TAFA1: variants seen among roughly 807,000 people sequenced by gnomAD.
TAFA1 encodes chemokine-like protein TAFA-1.
TAFA1 carries 4 observed loss-of-function variants against 18.5 expected under a neutral mutation model. The observed-to-expected ratio is 0.22, with a 90% CI of 0.11 to 0.49. TAFA1 has a LOEUF of 0.49. Among genes scored for constraint, TAFA1 ranks in the 20% least tolerant of loss-of-function variants. The pLI is 0.98. For synonymous variants in TAFA1, 56 were observed against 55.2 expected, an observed-to-expected ratio of 1.01 and a Z score of -0.06; for missense variants, 147 against 169.0, an observed-to-expected ratio of 0.87 and a Z score of 0.72.
At chr3:68,386,579 T>C (rs2106693833) in intron 2 of TAFA1, among the ~76,000 whole-genome samples, 1 of 152,142 alleles carries the variant, frequency 6.6e-6, no homozygotes, top group South Asian at 2.1e-4. Context: ...TACAGATAGG[T>C]TTTTCTACTA....
intron 2 of TAFA1, among the ~76,000 whole-genome samples, chr3:68,393,207 A>G (rs2070299235): frequency 6.6e-6 from 1 of 152,236 alleles, no homozygotes; most frequent in Non-Finnish European, 1.5e-5. Context: ...ACAAACTATC[A>G]TCAGAGAATA....
At chr3:68,524,464 C>A (rs1025777111) in intron 3 of TAFA1, among the ~76,000 whole-genome samples, 1 of 151,980 alleles carries the variant, frequency 6.6e-6, no homozygotes, top group Non-Finnish European at 1.5e-5. Context: ...ATTGTTCTTA[C>A]AATCAGAAAA....
At chr3:68,091,708 G>A (rs2065031756) in intron 2 of TAFA1, among the ~76,000 whole-genome samples, 3 of 152,126 alleles carry the variant, frequency 2.0e-5, no homozygotes, top group Non-Finnish European at 2.9e-5. Context: ...TGAGAGGCAG[G>A]AGCCAGCCTC....
intron 2 of TAFA1, among the ~76,000 whole-genome samples, chr3:68,331,960 T>C (rs1224936588): frequency 7.1e-6 from 1 of 141,456 alleles, no homozygotes; most frequent in Non-Finnish European, 1.5e-5. Flanking sequence ...GCCTCCCGGG[T>C]TCACGCCATT....
At chr3:68,521,882 T>C (rs9860458) in intron 3 of TAFA1, among the ~76,000 whole-genome samples, 22,308 of 133,184 alleles carry the variant, frequency 0.17, 2,548 homozygotes, top group South Asian at 0.3. Context: ...TTTTTGGAGA[T>C]AGGGTCTCAC....
At position 68,059,151 on chromosome 3, in the gene TAFA1, C is replaced by G. The variant is rs368368547; in HGVS notation, c.118+52407C>G. ...GAACAGCCTGGAGAAGAAGACCATACAATTGGAGGACTATGACTTATATGT... is the reference window on the plus strand; with the variant it reads ...GAACAGCCTGGAGAAGAAGACCATAGAATTGGAGGACTATGACTTATATGT... On this transcript the variant is annotated intron_variant, in intron 2 of 4. Transcript: ENST00000478136. Among the ~76,000 whole-genome samples, 16 of 152,128 alleles carry G rather than the reference C, an allele frequency of 1.1e-4. No homozygotes were observed. The East Asian group carries it at 3.1e-3, about 29-fold the overall frequency.
chr3:68,377,983 C>T (rs1321648546), intron 2 of TAFA1, among the ~76,000 whole-genome samples: 1 of 152,164 alleles, frequency 6.6e-6, no homozygotes, highest in African/African-American at 2.4e-5. Flanking sequence ...GCCTAAATTT[C>T]ACAGGTTATA....
At chr3:68,173,054 A>G (rs1261002828) in intron 2 of TAFA1, among the ~76,000 whole-genome samples, 1 of 152,104 alleles carries the variant, frequency 6.6e-6, no homozygotes, top group Non-Finnish European at 1.5e-5. Context: ...GGAAAAATGG[A>G]GGGTTAGCTA....
chr3:68,411,272 A>G lies in TAFA1; in HGVS notation c.119-6008A>G, dbSNP rs572781837. Among the ~76,000 whole-genome samples, 12 of 152,292 alleles carry G rather than the reference A, an allele frequency of 7.9e-5. No individual in the cohort carries two copies. In the South Asian group the frequency reaches 2.3e-3, roughly 29 times the overall value. ...TGTAGCCAAAAAGTAAAAAACACAT[A>G]GGAATGTGGGACGGTGTGTATTTTA... On this transcript the variant is annotated intron_variant, in intron 2 of 4. Transcript: ENST00000478136.
chr3:68,142,926 T>TTA (rs1462306650), intron 2 of TAFA1, among the ~76,000 whole-genome samples: 1 of 151,568 alleles, frequency 6.6e-6, no homozygotes, highest in Admixed American at 6.6e-5. Context: ...TTTTTTTTTT[T>TTA]AGTGTACAAA....
intron 2 of TAFA1, among the ~76,000 whole-genome samples, chr3:68,389,163 C>T (rs765163982): frequency 6.6e-6 from 1 of 152,054 alleles, no homozygotes; most frequent in African/African-American, 2.4e-5. Flanking sequence ...TTTATTCTGC[C>T]TCGGGGGACT....
intron 2 of TAFA1, among the ~76,000 whole-genome samples, chr3:68,020,312 A>T (rs1040442858): frequency 1.3e-5 from 2 of 152,148 alleles, no homozygotes; most frequent in African/African-American, 4.8e-5. Context: ...AACTTGGTAT[A>T]CTAGGCCAAC....
At chr3:68,333,045 C>G (rs577159643) in intron 2 of TAFA1, among the ~76,000 whole-genome samples, 1 of 152,312 alleles carries the variant, frequency 6.6e-6, no homozygotes, top group East Asian at 1.9e-4. Flanking sequence ...CACCTATACA[C>G]TGCTGGTAGA....
intron 2 of TAFA1, among the ~76,000 whole-genome samples, chr3:68,264,472 A>C (rs925139510): frequency 2.0e-5 from 3 of 152,178 alleles, no homozygotes; most frequent in African/African-American, 7.2e-5. Context: ...CAGCCAATGA[A>C]ATGGAAGCAA....
At chr3:68,063,064 G>C (rs2064626057) in intron 2 of TAFA1, among the ~76,000 whole-genome samples, 1 of 152,130 alleles carries the variant, frequency 6.6e-6, no homozygotes, top group African/African-American at 2.4e-5. Context: ...AAAAAAACAG[G>C]CTCAGCTCCA....
intron 3 of TAFA1, among the ~76,000 whole-genome samples, chr3:68,498,893 A>G (rs2668165): frequency 0.2 from 30,080 of 151,746 alleles, 3,032 homozygotes; most frequent in Middle Eastern, 0.23. Context: ...TAAAGGAGAT[A>G]TATTTTTTAA....
intron 3 of TAFA1, among the ~76,000 whole-genome samples, chr3:68,431,135 A>G (rs941418266): frequency 1.3e-5 from 2 of 151,938 alleles, no homozygotes; most frequent in Admixed American, 1.3e-4. Context: ...AGGACGCCTG[A>G]CCAGCCTTCC....
At chr3:68,350,707 G>C (rs1021824567) in intron 2 of TAFA1, among the ~76,000 whole-genome samples, 1 of 152,084 alleles carries the variant, frequency 6.6e-6, no homozygotes. Context: ...TTACATGTAC[G>C]AACATACATT....
At chr3:68,248,339 A>T (rs1250085080) in intron 2 of TAFA1, among the ~76,000 whole-genome samples, 1 of 152,206 alleles carries the variant, frequency 6.6e-6, no homozygotes, top group African/African-American at 2.4e-5. Context: ...AGAACCAGTA[A>T]GTAGAAACAC....
Sources: gnomAD v4.1 joint callset for allele counts (sites outside exome capture counted in the v4.1 genomes callset) on GRCh38, gnomAD v4.1.1 for gene constraint, MANE v1.5 for transcripts, NCBI Gene and HGNC (gene_info 2026-07-23, HGNC 2026-07-21) for gene names.